Variants in KALRN observed in about 807,000 individuals in gnomAD.
The protein encoded by KALRN is kalirin RhoGEF kinase, also known as kalirin.
KALRN carries 70 observed loss-of-function variants against 353.7 expected under a neutral mutation model. The ratio of observed to expected loss-of-function variants is 0.20; its 90% CI spans 0.16 to 0.24. KALRN has a LOEUF of 0.24. Among genes scored for constraint, KALRN ranks in the 10% least tolerant of loss-of-function variants. KALRN has a pLI of 1.00. For synonymous variants in KALRN, 1,391 were observed against 1,434.8 expected, an observed-to-expected ratio of 0.97 and a Z score of 0.69; for missense variants, 2,791 against 3,756.7, an observed-to-expected ratio of 0.74 and a Z score of 6.72.
intron 13 of KALRN, among the ~76,000 whole-genome samples, chr3:124,404,597 T>TAA (rs11364553): frequency 6.9e-6 from 1 of 144,736 alleles, no homozygotes. Flanking sequence ...TACACTGACT[T>TAA]AAAAAAAAAA....
At chr3:124,410,735 G>A (rs981951997) in intron 13 of KALRN, among the ~76,000 whole-genome samples, 2 of 152,018 alleles carry the variant, frequency 1.3e-5, no homozygotes, top group African/African-American at 4.8e-5. Context: ...ACTTGAATAC[G>A]TTGCTCCTGG....
chr3:124,246,113 G>A (rs529753730), intron 3 of KALRN, among the ~76,000 whole-genome samples: 7 of 152,300 alleles, frequency 4.6e-5, no homozygotes, highest in South Asian at 2.1e-4. Context: ...ACATGGGATC[G>A]CTGGATCATA....
intron 1 of KALRN, among the ~76,000 whole-genome samples, chr3:124,074,234 T>A (rs2060158095): frequency 6.6e-6 from 1 of 152,164 alleles, no homozygotes; most frequent in Non-Finnish European, 1.5e-5. Flanking sequence ...CCAATCATAC[T>A]CTATTGTTTG....
At chr3:124,716,739 G>A (rs992307652) in intron 58 of KALRN, among the ~76,000 whole-genome samples, 8 of 152,228 alleles carry the variant, frequency 5.3e-5, no homozygotes, top group Admixed American at 4.6e-4. Flanking sequence ...CCAGGAGTTC[G>A]AGGCTGCAGT....
chr3:124,706,027 C>T (rs943864648), intron 57 of KALRN, among the ~76,000 whole-genome samples: 3 of 152,106 alleles, frequency 2.0e-5, no homozygotes, highest in Admixed American at 2.0e-4. Flanking sequence ...TCCTCTTAGC[C>T]TCCCAAGTAG....
intron 7 of KALRN, among the ~76,000 whole-genome samples, chr3:124,328,099 C>T (rs2080109626): frequency 6.6e-6 from 1 of 152,140 alleles, no homozygotes; most frequent in African/African-American, 2.4e-5. Context: ...CTTTTTATTT[C>T]CTCCATTTGT....
chr3:124,540,673 C>T (rs1290823027), intron 33 of KALRN, among the ~76,000 whole-genome samples: 1 of 152,168 alleles, frequency 6.6e-6, no homozygotes, highest in Non-Finnish European at 1.5e-5. Flanking sequence ...GGAATCATAT[C>T]CAGGGCTCTT....
At chr3:124,196,227 G>A (rs1396718649) in intron 1 of KALRN, among the ~76,000 whole-genome samples, 1 of 152,162 alleles carries the variant, frequency 6.6e-6, no homozygotes, top group Non-Finnish European at 1.5e-5. Flanking sequence ...TGCAGGTGGG[G>A]TCTTTTTCAG....
intron 7 of KALRN, among the ~76,000 whole-genome samples, chr3:124,329,032 T>G (rs553119354): frequency 2.0e-5 from 3 of 152,280 alleles, no homozygotes; most frequent in East Asian, 3.9e-4. Context: ...GAGCTGTGCA[T>G]CCAGACGAGA....
chr3:124,338,540 A>G (rs189000549), intron 9 of KALRN, among the ~76,000 whole-genome samples: 165 of 152,232 alleles, frequency 1.1e-3, no homozygotes, highest in Non-Finnish European at 1.4e-3. Context: ...TTTGCTGAGG[A>G]GTGTTTTACT....
At chr3:124,183,491 A>G (rs529210701) in intron 1 of KALRN, among the ~76,000 whole-genome samples, 175 of 152,290 alleles carry the variant, frequency 1.1e-3, no homozygotes, top group Middle Eastern at 3.4e-3. Flanking sequence ...ATCCTCCCCC[A>G]TGGCCCAAAA....
rs2080912952 is a variant in KALRN at position 124,632,668 on chromosome 3, G to A, written c.5431G>A (p.Asp1811Asn). 1.9e-6 allele frequency: 3 copies of A among 1,614,074 alleles called. No homozygotes were observed. The highest frequency in any genetic ancestry group is 1.6e-4 in the Middle Eastern group (1 of 6,084). Residue 1811 changes from aspartate (D) to asparagine (N), a missense_variant, in exon 35 of 60, where the codon GAT (aspartate) becomes AAT (asparagine). By Grantham distance (23) the Asp-to-Asn change is conservative. Transcript: ENST00000682506. ...SFDLGSPKPG[D>N]ETTPQGDSAD... ...TGACCTGGGATCTCCCAAGCCTGGG[G>A]ATGAAACAACCCCTCAGGGAGACAG... is the stretch of plus-strand genomic sequence containing the variant.
intron 1 of KALRN, among the ~76,000 whole-genome samples, chr3:124,175,423 G>A (rs2072553687): frequency 2.0e-5 from 3 of 151,142 alleles, no homozygotes; most frequent in African/African-American, 7.3e-5. Flanking sequence ...GGAGATGCGC[G>A]CTGCCGAGGG....
At chr3:124,559,801 T>G (rs2071728069) in intron 33 of KALRN, among the ~76,000 whole-genome samples, 1 of 152,218 alleles carries the variant, frequency 6.6e-6, no homozygotes, top group East Asian at 1.9e-4. Flanking sequence ...TGGAATTCGC[T>G]TCTTGCCAGG....
chr3:124,145,113 C>T (rs995132850), intron 1 of KALRN, among the ~76,000 whole-genome samples: 1 of 152,076 alleles, frequency 6.6e-6, no homozygotes, highest in Non-Finnish European at 1.5e-5. Context: ...TAAGGCTGGA[C>T]CTTGGGAAAA....
chr3:124,282,550 T>C (rs1302922118), intron 5 of KALRN, among the ~76,000 whole-genome samples: 2 of 152,120 alleles, frequency 1.3e-5, no homozygotes, highest in Admixed American at 1.3e-4. Context: ...GCTAATTTTG[T>C]ATTTTTAGTA....
intron 1 of KALRN, among the ~76,000 whole-genome samples, chr3:124,205,041 C>T (rs1424518623): frequency 6.6e-6 from 1 of 152,136 alleles, no homozygotes; most frequent in Non-Finnish European, 1.5e-5. Flanking sequence ...GAATTATTTC[C>T]TTATTATTGG....
At chr3:124,369,058 G>GGGGAGA (rs150087010) in intron 10 of KALRN, among the ~76,000 whole-genome samples, 25 of 151,860 alleles carry the variant, frequency 1.6e-4, no homozygotes, top group African/African-American at 5.8e-4. Flanking sequence ...GGGAGACCGT[G>GGGGAGA]GGGAGAGGGA....
intron 1 of KALRN, among the ~76,000 whole-genome samples, chr3:124,082,745 C>T (rs192322503): frequency 2.6e-4 from 40 of 152,298 alleles, no homozygotes; most frequent in African/African-American, 6.7e-4. Context: ...ACAACATGAA[C>T]GCAATGAACT....
Sources: allele counts gnomAD v4.1 joint callset (sites outside exome capture counted in the v4.1 genomes callset), GRCh38; gene constraint gnomAD v4.1.1; transcripts MANE v1.5; gene names NCBI Gene and HGNC (gene_info 2026-07-23, HGNC 2026-07-21).